The following CHIA variants were observed in gnomAD, a reference collection of about 807,000 sequenced individuals.
The protein encoded by CHIA is chitinase acidic.
Under a neutral mutation model 53.5 loss-of-function variants are expected in CHIA, and 47 were observed. The observed-to-expected ratio is 0.88, with a 90% CI of 0.70 to 1.12. CHIA has a LOEUF of 1.12. CHIA is among the 50% of genes most tolerant of loss of function. The pLI is 0.00. For missense variants in CHIA, 652 were observed against 592.2 expected (o/e 1.10, Z -1.05); for synonymous variants, 268 against 222.2 (o/e 1.21, Z -1.83).
chr1:111,293,195 C>T (rs1191502628), intron 1 of CHIA, among the ~76,000 whole-genome samples: 1 of 152,144 alleles, frequency 6.6e-6, no homozygotes, highest in Non-Finnish European at 1.5e-5. Flanking sequence ...TTTACATTCC[C>T]ACCAACAGGG....
chr1:111,319,941 A>C (rs1190287022), intron 11 of CHIA, among the ~76,000 whole-genome samples: 1 of 152,222 alleles, frequency 6.6e-6, no homozygotes, highest in Non-Finnish European at 1.5e-5. Context: ...AGTGTTTTGC[A>C]TACATTTGGT....
chr1:111,311,118 CT>C (rs1234764467), intron 2 of CHIA, among the ~76,000 whole-genome samples: 3 of 152,182 alleles, frequency 2.0e-5, no homozygotes, highest in African/African-American at 7.2e-5. Context: ...GCTTCAGAAC[CT>C]TTTCCAAATG....
At chr1:111,296,089 C>T (rs1661318734) in intron 1 of CHIA, among the ~76,000 whole-genome samples, 2 of 152,232 alleles carry the variant, frequency 1.3e-5, no homozygotes, top group South Asian at 4.1e-4. Context: ...CATCACAGCT[C>T]AGCAAGGCTG....
intron 1 of CHIA, among the ~76,000 whole-genome samples, chr1:111,291,287 TA>T (rs1661000008): frequency 6.6e-6 from 1 of 152,148 alleles, no homozygotes; most frequent in South Asian, 2.1e-4. Flanking sequence ...ATAGACTGGA[TA>T]AAGAAAATGT....
chr1:111,312,084 C>G (rs1375501378), intron 3 of CHIA, 106 bp from the exon 4 acceptor site: 2 of 834,618 alleles, frequency 2.4e-6, no homozygotes, highest in Non-Finnish European at 4.1e-6. Context: ...ACACAGAGAT[C>G]AGGCATCTGA....
intron 4 of CHIA, among the ~76,000 whole-genome samples, chr1:111,313,813 GT>G (rs1483331449): frequency 1.3e-5 from 2 of 151,988 alleles, no homozygotes. Flanking sequence ...AGTTGACTTT[GT>G]TCAGTTTAGT....
chr1:111,313,732 C>CT (rs1185870953), intron 4 of CHIA, among the ~76,000 whole-genome samples: 7 of 151,642 alleles, frequency 4.6e-5, no homozygotes, highest in African/African-American at 1.7e-4. Flanking sequence ...GCTCTTGGAG[C>CT]TTTTTTTTAA....
chr1:111,315,954 TG>T, intron 6 of CHIA: 1 of 404,260 alleles, frequency 2.5e-6, no homozygotes, highest in Admixed American at 2.6e-5. Context: ...TCTTCTGAGG[TG>T]GAAGACTGAA....
chr1:111,318,167 G>A (rs1423612401), intron 8 of CHIA, 58 bp downstream of exon 8: 6 of 1,437,498 alleles, frequency 4.2e-6, no homozygotes, highest in Non-Finnish European at 5.8e-6. Context: ...ATCACATAGA[G>A]ATTCAGGCAC....
At chr1:111,298,409 G>T (rs1015755099) in intron 1 of CHIA, among the ~76,000 whole-genome samples, 4 of 152,158 alleles carry the variant, frequency 2.6e-5, no homozygotes, top group African/African-American at 7.2e-5. Flanking sequence ...AGACCACAGC[G>T]CAATCAAATT....
At position 111,317,951 on chromosome 1, in the gene CHIA, A is replaced by G. The variant is rs750936324; in HGVS notation, c.606-35A>G. The stretch of plus-strand genomic sequence containing the variant: ...GCCTGCATAGGTGTGGGAAATGACC[A>G]TCAGAATGATTTTAAATCCTCCACC... On this transcript the variant is annotated intron_variant, in intron 7 of 11. Coordinates refer to ENST00000369740, the MANE Select transcript of CHIA (RefSeq NM_201653.4). 8 of 1,613,772 alleles carry G rather than the reference A, an allele frequency of 5.0e-6. No homozygotes were observed. The East Asian group carries it at 8.9e-5, about 18-fold the overall frequency.
chr1:111,298,828 G>A (rs1048412006), intron 1 of CHIA, among the ~76,000 whole-genome samples: 3 of 152,118 alleles, frequency 2.0e-5, no homozygotes, highest in African/African-American at 4.8e-5. Context: ...CAACAAAATT[G>A]ATAGACTGCT....
Position 111,319,461 on chromosome 1 carries a change from G to C in CHIA, c.1170G>C (p.Gln390His), listed in dbSNP as rs1374774476. 1.2e-6 allele frequency: 2 copies of C among 1,613,794 alleles called. No individual in the cohort carries two copies. The highest frequency in any genetic ancestry group is 1.7e-6 in the Non-Finnish European group (2 of 1,179,924). ...CCCTGAAGAAGGCCCTCGGCCTGCA[G>C]AGTGCAAGTAAGTGACTGAGGGGGA... ...ISTLKKALGL[Q>H]SASCTAPAQP... Residue 390 changes from glutamine (Q) to histidine (H), a missense_variant, in exon 11 of 12, where the codon CAG becomes CAC. Transcript: ENST00000369740.
chr1:111,319,185 C>T lies in CHIA; in HGVS notation c.981C>T (p.Ala327=), dbSNP rs1198442898. The change falls in exon 10 of 12, where the codon GCC becomes GCT. Residue 327 remains alanine (A), a synonymous_variant. Coordinates refer to ENST00000369740, the MANE Select transcript of CHIA (RefSeq NM_201653.4). Reference sequence around the variant, plus strand: ...ATGCCCCTCAGGAAGTGCCTTATGCCTATCAGGGCAATGTGTGGGTTGGCT... The same window carrying T: ...ATGCCCCTCAGGAAGTGCCTTATGCTTATCAGGGCAATGTGTGGGTTGGCT... The part of the protein sequence containing the change: ...GWDAPQEVPY[A]YQGNVWVGYD... 7 of 1,611,724 alleles carry T rather than the reference C, an allele frequency of 4.3e-6. No homozygotes were observed. Among genetic ancestry groups the T allele is most frequent in the African/African-American group, 1.4e-5 (1 of 72,772 alleles).
chr1:111,291,991 A>T (rs1432161980), intron 1 of CHIA, among the ~76,000 whole-genome samples: 2 of 152,188 alleles, frequency 1.3e-5, no homozygotes, highest in African/African-American at 2.4e-5. Context: ...AACTTAAAAT[A>T]AAATAGAATT....
chr1:111,316,169 A>G (rs984495332), intron 6 of CHIA: 1 of 218,264 alleles, frequency 4.6e-6, no homozygotes, highest in African/African-American at 2.3e-5. Context: ...CAAATGATAT[A>G]CAGATAAGTG....
chr1:111,320,155 G>A, intron 11 of CHIA, 58 bp from the exon 12 acceptor site: 1 of 1,534,232 alleles, frequency 6.5e-7, no homozygotes, highest in Admixed American at 1.7e-5. Context: ...TCACCTCTAG[G>A]TGAAGCTTAG....
intron 7 of CHIA, 28 bp from the exon 8 acceptor site, chr1:111,317,958 T>A (rs201100151): frequency 6.2e-7 from 1 of 1,613,950 alleles, no homozygotes; most frequent in Non-Finnish European, 8.5e-7. Flanking sequence ...ACCATCAGAA[T>A]GATTTTAAAT....
intron 1 of CHIA, among the ~76,000 whole-genome samples, chr1:111,305,347 G>C (rs1231940070): frequency 3.9e-5 from 6 of 151,924 alleles, no homozygotes; most frequent in Non-Finnish European, 7.3e-5. Flanking sequence ...TGCAACAATG[G>C]GGGGAGGTGC....
Sources: gnomAD v4.1 joint callset for allele counts (sites outside exome capture counted in the v4.1 genomes callset) on GRCh38, gnomAD v4.1.1 for gene constraint, MANE v1.5 for transcripts, NCBI Gene and HGNC (gene_info 2026-07-23, HGNC 2026-07-21) for gene names.